The following NRXN3 variants were observed in gnomAD, a reference collection of about 807,000 sequenced individuals.
NRXN3 encodes neurexin III.
In NRXN3, 32 loss-of-function variants were observed where a neutral mutation model predicts 137.6. The ratio of observed to expected loss-of-function variants is 0.23; its 90% CI spans 0.18 to 0.31. The LOEUF (loss-of-function observed/expected upper bound fraction) is 0.31. Ranked by LOEUF, NRXN3 falls within the 10% of genes least tolerant of loss-of-function variation. The pLI, the probability that NRXN3 is intolerant of heterozygous loss-of-function variation, is 1.00. For synonymous variants in NRXN3, 798 were observed against 784.5 expected, an observed-to-expected ratio of 1.02 and a Z score of -0.29; for missense variants, 1,574 against 2,062.5, an observed-to-expected ratio of 0.76 and a Z score of 4.59.
intron 16 of NRXN3, among the ~76,000 whole-genome samples, chr14:79,552,618 G>A (rs2097384537): frequency 6.6e-6 from 1 of 152,130 alleles, no homozygotes. Flanking sequence ...TTTTCATAGG[G>A]GAGAGGGAAA....
intron 4 of NRXN3, among the ~76,000 whole-genome samples, chr14:78,566,164 C>T (rs1232122126): frequency 1.3e-5 from 2 of 151,794 alleles, no homozygotes; most frequent in Admixed American, 6.6e-5. Context: ...CCCCCAACGC[C>T]GGCCAAAAAA....
chr14:78,714,212 TC>T (rs1384118263), intron 7 of NRXN3, among the ~76,000 whole-genome samples: 1 of 152,158 alleles, frequency 6.6e-6, no homozygotes, highest in Non-Finnish European at 1.5e-5. Context: ...GGAAGTTCCA[TC>T]TTTTGGGGGT....
At chr14:78,542,573 G>A (rs915784535) in intron 4 of NRXN3, among the ~76,000 whole-genome samples, 2 of 152,162 alleles carry the variant, frequency 1.3e-5, no homozygotes, top group African/African-American at 4.8e-5. Context: ...GGAGTGTCCC[G>A]TTTTTTCCAG....
chr14:79,731,227 TACA>T (rs2098921243), intron 19 of NRXN3, among the ~76,000 whole-genome samples: 1 of 152,160 alleles, frequency 6.6e-6, no homozygotes, highest in Non-Finnish European at 1.5e-5. Context: ...TTTCCCAGAT[TACA>T]ACAATGCCGA....
chr14:79,013,404 A>G (rs941168344), intron 15 of NRXN3, among the ~76,000 whole-genome samples: 3 of 152,296 alleles, frequency 2.0e-5, no homozygotes, highest in Admixed American at 2.0e-4. Context: ...AACTACTTAC[A>G]TGATATTGGT....
At chr14:79,364,789 T>C (rs533418110) in intron 15 of NRXN3, among the ~76,000 whole-genome samples, 38 of 152,308 alleles carry the variant, frequency 2.5e-4, no homozygotes, top group African/African-American at 5.5e-4. Context: ...TTCCTAGAGT[T>C]CATAAATCTT....
intron 2 of NRXN3, 79 bp from the exon 3 acceptor site, chr14:78,278,566 T>TGC (rs1453510101): frequency 9.5e-7 from 1 of 1,057,264 alleles, no homozygotes; most frequent in African/African-American, 1.6e-5. Context: ...TGTGTGTGTG[T>TGC]GCTGCTAACA....
At chr14:79,723,244 C>T (rs2098853920) in intron 19 of NRXN3, among the ~76,000 whole-genome samples, 1 of 152,000 alleles carries the variant, frequency 6.6e-6, no homozygotes. Flanking sequence ...GAGACCATGA[C>T]TGAAGAAAAA....
chr14:79,279,836 G>A (rs2080959321), intron 15 of NRXN3: 1 of 997,412 alleles, frequency 1.0e-6, no homozygotes, highest in Non-Finnish European at 1.2e-6. Flanking sequence ...CTCCTTGGAT[G>A]TTGGGATAAA....
At chr14:78,948,884 CAG>C (rs1459137484) in intron 10 of NRXN3, among the ~76,000 whole-genome samples, 1 of 151,984 alleles carries the variant, frequency 6.6e-6, no homozygotes, top group East Asian at 1.9e-4. Flanking sequence ...GAGAACAAAC[CAG>C]AGAGGAAGGA....
chr14:79,509,199 T>A (rs1002733326), intron 16 of NRXN3, among the ~76,000 whole-genome samples: 1 of 151,244 alleles, frequency 6.6e-6, no homozygotes, highest in African/African-American at 2.4e-5. Flanking sequence ...GTCTCAAAAA[T>A]AATAATAATA....
intron 4 of NRXN3, among the ~76,000 whole-genome samples, chr14:78,471,830 A>G (rs2095279836): frequency 6.6e-6 from 1 of 152,230 alleles, no homozygotes; most frequent in South Asian, 2.1e-4. Context: ...CTCTATTGCT[A>G]GTTGGGGCTT....
intron 15 of NRXN3, chr14:79,280,076 A>G: frequency 2.9e-6 from 4 of 1,374,834 alleles, no homozygotes; most frequent in Non-Finnish European, 1.9e-6. Context: ...TCCGGGAAAG[A>G]GAAGGGGCTT....
intron 16 of NRXN3, among the ~76,000 whole-genome samples, chr14:79,546,544 G>A (rs531223637): frequency 4.7e-4 from 71 of 152,224 alleles, no homozygotes; most frequent in African/African-American, 1.6e-3. Context: ...AGTGTAAAGT[G>A]GTATGGCTGT....
At chr14:78,719,892 T>C (rs1405234109) in intron 8 of NRXN3, among the ~76,000 whole-genome samples, 1 of 152,080 alleles carries the variant, frequency 6.6e-6, no homozygotes, top group Admixed American at 6.6e-5. Flanking sequence ...ATACCGTTAG[T>C]GTTACCTGCA....
chr14:79,341,267 C>G (rs2092597322), intron 15 of NRXN3, among the ~76,000 whole-genome samples: 1 of 152,162 alleles, frequency 6.6e-6, no homozygotes, highest in African/African-American at 2.4e-5. Flanking sequence ...CCAGGGTAAT[C>G]TCCTTCAACT....
rs901675875 is a variant in NRXN3 at position 78,574,223 on chromosome 14, C to T, written c.758-70897C>T. Among the ~76,000 whole-genome samples, 11 of 152,208 alleles carry T rather than the reference C, an allele frequency of 7.2e-5. No individual in the cohort carries two copies. In the Middle Eastern group the frequency reaches 9.5e-3, roughly 131 times the overall value. ...TGCTGCAGGGGCGAAGCCCCTATGG[C>T]GAACCTCTGCTAGGGCAGTGCAGAA... On this transcript the variant is annotated intron_variant, in intron 4 of 20. Coordinates refer to ENST00000335750, the MANE Select transcript of NRXN3 (RefSeq NM_001330195.2).
chr14:78,311,223 T>C (rs2077945442), intron 4 of NRXN3, among the ~76,000 whole-genome samples: 1 of 152,164 alleles, frequency 6.6e-6, no homozygotes, highest in Non-Finnish European at 1.5e-5. Flanking sequence ...ATTTTGTTCG[T>C]CTTGGTATAT....
intron 8 of NRXN3, among the ~76,000 whole-genome samples, chr14:78,770,821 A>G (rs1219185978): frequency 6.6e-6 from 1 of 151,520 alleles, no homozygotes; most frequent in African/African-American, 2.4e-5. Flanking sequence ...TGGGGAGGGA[A>G]TGTCTGTAAA....
Sources: gnomAD v4.1 joint callset for allele counts (sites outside exome capture counted in the v4.1 genomes callset) on GRCh38, gnomAD v4.1.1 for gene constraint, MANE v1.5 for transcripts, NCBI Gene and HGNC (gene_info 2026-07-23, HGNC 2026-07-21) for gene names.